The following ATR variants were observed in gnomAD, a reference collection of about 807,000 sequenced individuals.
ATR encodes serine/threonine-protein kinase ATR.
A neutral mutation model predicts 305.3 loss-of-function variants in ATR; 142 were observed. The ratio of observed to expected loss-of-function variants is 0.47; its 90% CI spans 0.41 to 0.53. The LOEUF (loss-of-function observed/expected upper bound fraction) is 0.53, where lower values mean the gene tolerates loss of function less well. Among genes scored for constraint, ATR ranks in the 20% least tolerant of loss-of-function variants. The pLI is 0.00. For missense variants in ATR, 2,135 were observed against 3,133.1 expected (o/e 0.68, Z 7.60); for synonymous variants, 1,050 against 1,068.1 (o/e 0.98, Z 0.33).
chr3:142,498,802 T>A (rs375795280), intron 31 of ATR, 28 bp from the exon 32 acceptor site: 6 of 1,609,872 alleles, frequency 3.7e-6, no homozygotes, highest in Non-Finnish European at 8.5e-7. Flanking sequence ...AGTCAAGAAA[T>A]GTCACGGTAG....
intron 36 of ATR, among the ~76,000 whole-genome samples, chr3:142,478,960 T>C (rs1181029249): frequency 1.3e-5 from 2 of 152,124 alleles, no homozygotes; most frequent in Admixed American, 6.5e-5. Flanking sequence ...TCCTCCATCC[T>C]TTTATTTTGA....
chr3:142,555,820 T>C, intron 10 of ATR, 57 bp downstream of exon 10: 2 of 1,540,710 alleles, frequency 1.3e-6, no homozygotes, highest in Non-Finnish European at 1.8e-6. Flanking sequence ...CTTTTACTGA[T>C]TTGAAAAGCA....
In ATR at chr3:142,498,525, T is replaced by G. The variant is rs151142861; in HGVS notation, c.5558+72A>C. ...ACCAAACTCACTATCAATTATTTAC[T>G]CAAAAAAATTTTCCAATCCTGTCAG... On this transcript the variant is annotated intron_variant, in intron 32 of 46. Transcript: ENST00000350721. 432 of 1,451,936 alleles carry G rather than the reference T, an allele frequency of 3.0e-4. No homozygotes were observed. In the African/African-American group the frequency reaches 4.3e-3, roughly 14 times the overall value. The allele number at this position is 1,451,936 out of a possible 1,614,324, so 89.9% of individuals were successfully genotyped here.
intron 36 of ATR, among the ~76,000 whole-genome samples, chr3:142,477,121 C>T (rs2029898366): frequency 6.6e-6 from 1 of 152,178 alleles, no homozygotes; most frequent in African/African-American, 2.4e-5. Flanking sequence ...GCCAGAACTT[C>T]CAACACTATG....
At chr3:142,465,033 A>G in intron 41 of ATR, 64 bp downstream of exon 41, 4 of 1,125,096 alleles carry the variant, frequency 3.6e-6, no homozygotes, top group Non-Finnish European at 2.3e-6. Context: ...TGGTTTTATA[A>G]TAGTCAAAAA....
At chr3:142,461,872 T>C in intron 42 of ATR, 68 bp downstream of exon 42, 1 of 1,504,932 alleles carries the variant, frequency 6.6e-7, no homozygotes, top group Non-Finnish European at 9.2e-7. Context: ...CATATATTAA[T>C]ACCAATTATA....
At position 142,509,470 on chromosome 3, in the gene ATR, A is replaced by G. The variant is rs181845187; in HGVS notation, c.4853-1361T>C. Among the ~76,000 whole-genome samples the G allele has an allele frequency of 2.4e-4, 36 of 150,718 alleles. 1 individual carries two copies. The highest frequency in any genetic ancestry group is 7.5e-4 in the African/African-American group (31 of 41,162). ...TGAGCTACCACACCTAGCCTAAGGTAGTATATTCTAAACAGATTATATTTA... is the reference window on the plus strand; with the variant it reads ...TGAGCTACCACACCTAGCCTAAGGTGGTATATTCTAAACAGATTATATTTA... On this transcript the variant is annotated intron_variant, in intron 27 of 46. Coordinates refer to ENST00000350721, the MANE Select transcript of ATR (RefSeq NM_001184.4).
Position 142,550,252 on chromosome 3 carries a change from A to T in ATR, c.2856T>A (p.Thr952=), listed in dbSNP as rs1291323281. ...TTCGCACGTCAGCATTCTGGCATGG[A>T]GTATTCGGAAGTGCTGTCATCTGAC... is the stretch of plus-strand genomic sequence containing the variant. The part of the protein sequence containing the change: ...HSSQMTALPN[T]PCQNADVRKQ... Residue 952 remains threonine, a synonymous_variant, in exon 14 of 47, where the codon ACT becomes ACA. Coordinates refer to ENST00000350721, the MANE Select transcript of ATR (RefSeq NM_001184.4). 2 of 1,614,052 alleles carry T rather than the reference A, an allele frequency of 1.2e-6. No homozygotes were observed. Among genetic ancestry groups the T allele is most frequent in the Non-Finnish European group, 1.7e-6 (2 of 1,180,010 alleles).
At position 142,562,555 on chromosome 3, in the gene ATR, T is replaced by C. The variant is rs1559998542; in HGVS notation, c.847A>G (p.Met283Val). ...TAGAGTTTCAATTGGTCAGTATCCA[T>C]TTCTACAAGGTGTTTTAATAATTCC... ...FLELLKHLVE[M>V]DTDQLKLYEE... The change falls in exon 4 of 47, where the codon ATG becomes GTG. Residue 283 changes from methionine to valine, a missense_variant. Physicochemically the swap from Met to Val is conservative, Grantham distance 21 (BLOSUM62 1). Transcript: ENST00000350721. 6.2e-7 allele frequency: 1 copy of C among 1,613,888 alleles called. No homozygotes were observed.
chr3:142,502,821 T>C (rs536188182), intron 30 of ATR, among the ~76,000 whole-genome samples: 103 of 152,306 alleles, frequency 6.8e-4, no homozygotes, highest in South Asian at 2.5e-3. Context: ...AGTGCTAATC[T>C]CCACATTTAA....
chr3:142,568,444 G>A (rs1206498278), intron 1 of ATR, among the ~76,000 whole-genome samples: 4 of 152,228 alleles, frequency 2.6e-5, no homozygotes, highest in Admixed American at 1.3e-4. Flanking sequence ...AATGTGATTA[G>A]TACAAATTGA....
chr3:142,536,346 T>C, intron 19 of ATR, 145 bp from the exon 20 acceptor site: 4 of 642,702 alleles, frequency 6.2e-6, no homozygotes, highest in Admixed American at 5.6e-5. Context: ...TTTCTAACTA[T>C]GTCTAAGATG....
At position 142,450,655 on chromosome 3, in the gene ATR, G is replaced by T. The variant is rs113055455; in HGVS notation, c.7762-1053C>A. The T allele has an allele frequency of 9.4e-5, 151 of 1,604,834 alleles. No individual in the cohort carries two copies. In the African/African-American group the frequency reaches 1.6e-3, roughly 17 times the overall value. On this transcript the variant is annotated intron_variant, in intron 46 of 46. Transcript: ENST00000350721. ...ATACAAGGTCAGGAATAAATTAGATGGTCAGTATTATGCAATTTAAAAAAT... is the reference window on the plus strand; with the variant it reads ...ATACAAGGTCAGGAATAAATTAGATTGTCAGTATTATGCAATTTAAAAAAT...
At chr3:142,498,865 T>C in intron 31 of ATR, 91 bp from the exon 32 acceptor site, 1 of 1,257,136 alleles carries the variant, frequency 8.0e-7, no homozygotes, top group Non-Finnish European at 1.1e-6. Context: ...AGCTGAAATA[T>C]CAAACAGGTG....
rs2032702060 is a variant in ATR at position 142,513,580 on chromosome 3, T to C, written c.4562A>G (p.Asp1521Gly). ...AAGAAGATAGATGGTCACTTTGAAATCATGCTTCATCATAATGCTACAGCA... is the reference window on the plus strand; with the variant it reads ...AAGAAGATAGATGGTCACTTTGAAACCATGCTTCATCATAATGCTACAGCA... ...FTCCSIMMKH[D>G]FKVTIYLLPH... The change falls in exon 26 of 47, where the codon GAT becomes GGT. Residue 1521 changes from aspartate (D) to glycine (G), a missense_variant. By Grantham distance (94) the Asp-to-Gly change is moderately conservative. Around this residue, in one of 9 missense-constraint regions of ATR, gnomAD observed 202 missense variants for 252.9 expected, o/e 0.80. Coordinates refer to ENST00000350721, the MANE Select transcript of ATR (RefSeq NM_001184.4). 1.9e-6 allele frequency: 3 copies of C among 1,613,362 alleles called. No homozygotes were observed. The highest frequency in any genetic ancestry group is 4.5e-5 in the East Asian group (2 of 44,776).
intron 36 of ATR, among the ~76,000 whole-genome samples, chr3:142,478,976 T>C (rs2030185268): frequency 6.6e-6 from 1 of 152,232 alleles, no homozygotes; most frequent in Admixed American, 6.5e-5. Context: ...TTTGAGCCTA[T>C]GTGTGTCTCT....
chr3:142,526,154 T>C (rs1295193175), intron 21 of ATR, among the ~76,000 whole-genome samples: 2 of 152,192 alleles, frequency 1.3e-5, no homozygotes, highest in African/African-American at 4.8e-5. Flanking sequence ...AAAAAATTTC[T>C]ACCTAGTTAC....
intron 21 of ATR, among the ~76,000 whole-genome samples, chr3:142,533,693 T>G (rs1228940268): frequency 2.6e-5 from 4 of 152,156 alleles, no homozygotes; most frequent in African/African-American, 9.7e-5. Flanking sequence ...CATAAATTTA[T>G]CCAGTTATAG....
intron 36 of ATR, among the ~76,000 whole-genome samples, chr3:142,483,952 G>A (rs6775304): frequency 1.3e-5 from 2 of 152,032 alleles, no homozygotes; most frequent in Non-Finnish European, 2.9e-5. Context: ...GGGGATGAGG[G>A]TCTGGAATGA....
Sources: gnomAD v4.1 joint callset for allele counts (sites outside exome capture counted in the v4.1 genomes callset) on GRCh38, gnomAD v4.1.1 for gene constraint, gnomAD v4.1.1 regional missense constraint, MANE v1.5 for transcripts, NCBI Gene and HGNC (gene_info 2026-07-23, HGNC 2026-07-21) for gene names.